Variants in BBS9 observed in about 807,000 individuals in gnomAD.
BBS9 encodes protein PTHB1.
BBS9 carries 89 observed loss-of-function variants against 117.7 expected under a neutral mutation model. That is an observed-to-expected ratio of 0.76 (90% CI 0.64 to 0.90). BBS9 has a LOEUF of 0.90. Ranked by LOEUF, BBS9 falls within the 40% of genes least tolerant of loss-of-function variation. The pLI is 0.00. For synonymous variants in BBS9, 379 were observed against 370.9 expected (o/e 1.02, Z -0.25); for missense variants, 982 against 1,042.2 (o/e 0.94, Z 0.80).
At chr7:33,220,282 A>G (rs1789991150) in intron 5 of BBS9, among the ~76,000 whole-genome samples, 1 of 152,204 alleles carries the variant, frequency 6.6e-6, no homozygotes, top group South Asian at 2.1e-4. Context: ...TGAAGGTTAA[A>G]TATCATGGCA....
At chr7:33,510,407 T>TA (rs1197453137) in intron 20 of BBS9, among the ~76,000 whole-genome samples, 1 of 151,996 alleles carries the variant, frequency 6.6e-6, no homozygotes, top group African/African-American at 2.4e-5. Context: ...TGTGGTATTA[T>TA]ACACATCTCC....
intron 20 of BBS9, among the ~76,000 whole-genome samples, chr7:33,526,443 C>G (rs1405577329): frequency 1.3e-4 from 19 of 151,948 alleles, no homozygotes; most frequent in South Asian, 2.1e-4. Context: ...AGGCTTTGCT[C>G]ATTTCTTTTT....
At chr7:33,399,933 A>G (rs1828639369) in intron 19 of BBS9, among the ~76,000 whole-genome samples, 1 of 152,052 alleles carries the variant, frequency 6.6e-6, no homozygotes, top group Admixed American at 6.6e-5. Context: ...ATCGTATGAA[A>G]ACATTCTCCT....
At chr7:33,574,551 C>T in intron 21 of BBS9, among the ~76,000 whole-genome samples, 1 of 151,988 alleles carries the variant, frequency 6.6e-6, no homozygotes, top group East Asian at 1.9e-4. Context: ...ATATGTCTCC[C>T]TGATGTCTTT....
intron 19 of BBS9, among the ~76,000 whole-genome samples, chr7:33,454,155 A>G (rs934223341): frequency 2.6e-5 from 4 of 152,204 alleles, no homozygotes; most frequent in African/African-American, 9.6e-5. Flanking sequence ...AGGCAATATC[A>G]TACATGGGCT....
chr7:33,443,454 A>G (rs1435865626), intron 19 of BBS9, among the ~76,000 whole-genome samples: 1 of 152,038 alleles, frequency 6.6e-6, no homozygotes, highest in African/African-American at 2.4e-5. Flanking sequence ...TTTCTTCCCT[A>G]TGGACTCCAT....
At chr7:33,444,154 T>C (rs1470492994) in intron 19 of BBS9, among the ~76,000 whole-genome samples, 1 of 152,184 alleles carries the variant, frequency 6.6e-6, no homozygotes, top group Admixed American at 6.5e-5. Flanking sequence ...CACTAGACCC[T>C]CAGAATAGAG....
chr7:33,387,611 T>A (rs903829244), intron 18 of BBS9, among the ~76,000 whole-genome samples: 3 of 152,186 alleles, frequency 2.0e-5, no homozygotes, highest in African/African-American at 7.2e-5. Context: ...TATACCAAGA[T>A]CATTTTAAAA....
At chr7:33,611,120 A>G (rs892914151) in intron 21 of BBS9, among the ~76,000 whole-genome samples, 3 of 152,164 alleles carry the variant, frequency 2.0e-5, no homozygotes, top group South Asian at 2.1e-4. Context: ...GAGGTTTAAA[A>G]TGCTATTAAA....
rs188784300 is a variant in BBS9, at chr7:33,578,351, A to G, written c.2522-26514A>G. Among the ~76,000 whole-genome samples, 5 of 152,322 alleles carry G rather than the reference A, an allele frequency of 3.3e-5. No individual in the cohort carries two copies. In the East Asian group the frequency reaches 9.7e-4, roughly 29 times the overall value. Reference sequence around the variant, plus strand: ...CTGACTCCAATGCTTGTTCTTCCCTACAAGGCAGGACACTCCCAAGTGGGA... The same window carrying G: ...CTGACTCCAATGCTTGTTCTTCCCTGCAAGGCAGGACACTCCCAAGTGGGA... On this transcript the variant is annotated intron_variant, in intron 21 of 22. Transcript: ENST00000242067.
intron 3 of BBS9, among the ~76,000 whole-genome samples, chr7:33,153,938 T>C (rs2128110581): frequency 6.6e-6 from 1 of 152,320 alleles, no homozygotes; most frequent in South Asian, 2.1e-4. Flanking sequence ...GCATCCTTCC[T>C]GCTAAAAAGT....
chr7:33,178,542 T>G (rs1797655515), intron 5 of BBS9, among the ~76,000 whole-genome samples: 1 of 152,052 alleles, frequency 6.6e-6, no homozygotes, highest in African/African-American at 2.4e-5. Flanking sequence ...TGGTGCTGGA[T>G]TGAGGATAGG....
chr7:33,533,265 C>G (rs1185955483), intron 20 of BBS9, among the ~76,000 whole-genome samples: 1 of 152,218 alleles, frequency 6.6e-6, no homozygotes, highest in African/African-American at 2.4e-5. Flanking sequence ...GCTGTCACTG[C>G]ACTTTTCTAG....
intron 1 of BBS9, among the ~76,000 whole-genome samples, chr7:33,130,891 A>G (rs978090346): frequency 7.9e-5 from 12 of 152,200 alleles, no homozygotes; most frequent in Non-Finnish European, 1.8e-4. Flanking sequence ...TATTTATGGT[A>G]CAACTTCTTG....
At chr7:33,373,386 A>C (rs983473172) in intron 17 of BBS9, among the ~76,000 whole-genome samples, 1 of 152,174 alleles carries the variant, frequency 6.6e-6, no homozygotes, top group Non-Finnish European at 1.5e-5. Flanking sequence ...ATCTGCAAAG[A>C]ATGCTGAATA....
intron 5 of BBS9, among the ~76,000 whole-genome samples, chr7:33,191,226 G>A (rs915705865): frequency 1.3e-5 from 2 of 152,170 alleles, no homozygotes; most frequent in African/African-American, 2.4e-5. Flanking sequence ...GATGTTGGGT[G>A]CAGTTTTTCA....
chr7:33,211,884 A>C (rs964473860), intron 5 of BBS9, among the ~76,000 whole-genome samples: 1 of 134,346 alleles, frequency 7.4e-6, no homozygotes, highest in Admixed American at 7.9e-5. Context: ...AACACTTTAA[A>C]TATTTTATGC....
At chr7:33,177,414 G>A (rs768926505) in intron 4 of BBS9, 64 bp from the exon 5 acceptor site, 42 of 1,077,858 alleles carry the variant, frequency 3.9e-5, no homozygotes, top group Non-Finnish European at 5.5e-5. Flanking sequence ...AGTAGTGGAT[G>A]AGAACAAATT....
At chr7:33,313,058 TGTGTGTGC>T (rs896712886) in intron 9 of BBS9, among the ~76,000 whole-genome samples, 1 of 151,264 alleles carries the variant, frequency 6.6e-6, no homozygotes, top group African/African-American at 2.5e-5. Flanking sequence ...TGTGTGTGTG[TGTGTGTGC>T]GCGCACAGGC....
Sources: gnomAD v4.1 joint callset for allele counts (sites outside exome capture counted in the v4.1 genomes callset) on GRCh38, gnomAD v4.1.1 for gene constraint, MANE v1.5 for transcripts, NCBI Gene and HGNC (gene_info 2026-07-23, HGNC 2026-07-21) for gene names.